The following ADGRB3 variants were observed in gnomAD, a reference collection of about 807,000 sequenced individuals.
ADGRB3 encodes adhesion G protein-coupled receptor B3.
In ADGRB3, 37 loss-of-function variants were observed where a neutral mutation model predicts 193.4. The observed-to-expected ratio is 0.19, with a 90% CI of 0.15 to 0.25. The LOEUF (loss-of-function observed/expected upper bound fraction) is 0.25. Among genes scored for constraint, ADGRB3 ranks in the 10% least tolerant of loss-of-function variants. The pLI, the probability that ADGRB3 is intolerant of heterozygous loss-of-function variation, is 1.00. For synonymous variants in ADGRB3, 690 were observed against 644.2 expected, an observed-to-expected ratio of 1.07 and a Z score of -1.08; for missense variants, 1,637 against 1,852.9, an observed-to-expected ratio of 0.88 and a Z score of 2.14.
At chr6:69,386,423 T>G (rs952760756) in intron 31 of ADGRB3, among the ~76,000 whole-genome samples, 3 of 152,062 alleles carry the variant, frequency 2.0e-5, no homozygotes, top group Non-Finnish European at 4.4e-5. Context: ...CCCTCGTGTA[T>G]GATAAATGAG....
chr6:69,295,053 A>T (rs1403578367), intron 20 of ADGRB3, among the ~76,000 whole-genome samples: 1 of 152,132 alleles, frequency 6.6e-6, no homozygotes. Context: ...GCCTGCTCTG[A>T]CTGACCTGGT....
intron 17 of ADGRB3, among the ~76,000 whole-genome samples, chr6:69,161,159 A>G (rs1042324919): frequency 2.0e-5 from 3 of 152,094 alleles, no homozygotes; most frequent in Non-Finnish European, 4.4e-5. Context: ...AAAGCCTAAT[A>G]TGTAATCTGC....
rs557297398 is a variant in ADGRB3, at chr6:69,180,700, C to T, written c.2481-52590C>T. ...GCAGTTGTAGCAGCTCTCCTTCTGC[C>T]TCAGGCCTGCAATGGGGAGAGCATA... On this transcript the variant is annotated intron_variant, in intron 17 of 31. Transcript: ENST00000370598. Among the ~76,000 whole-genome samples the T allele has an allele frequency of 1.6e-4, 24 of 152,298 alleles. No homozygotes were observed. In the East Asian group the frequency reaches 3.1e-3, roughly 20 times the overall value.
chr6:69,022,811 A>G (rs1014684713), intron 13 of ADGRB3, among the ~76,000 whole-genome samples: 4 of 152,024 alleles, frequency 2.6e-5, no homozygotes, highest in South Asian at 2.1e-4. Context: ...AGCTGTTTGC[A>G]GTTCCAAATA....
At chr6:69,233,106 A>C (rs764082750) in intron 17 of ADGRB3, 184 bp from the exon 18 acceptor site, 1 of 845,440 alleles carries the variant, frequency 1.2e-6, no homozygotes, top group African/African-American at 1.8e-5. Context: ...GCTTTTTCCC[A>C]CTCTCGCTTT....
chr6:68,777,966 G>A (rs1766781067), intron 3 of ADGRB3, among the ~76,000 whole-genome samples: 2 of 151,996 alleles, frequency 1.3e-5, no homozygotes, highest in Admixed American at 1.3e-4. Flanking sequence ...CATCCTTTAA[G>A]CAATGAACCA....
intron 17 of ADGRB3, among the ~76,000 whole-genome samples, chr6:69,182,398 A>G (rs939129866): frequency 5.7e-5 from 8 of 141,418 alleles, no homozygotes; most frequent in Admixed American, 3.5e-4. Flanking sequence ...TAAAAATAAA[A>G]CAACAACAAG....
At chr6:68,732,175 T>C (rs1296241656) in intron 3 of ADGRB3, among the ~76,000 whole-genome samples, 1 of 151,806 alleles carries the variant, frequency 6.6e-6, no homozygotes, top group African/African-American at 2.4e-5. Flanking sequence ...TATTGAACTA[T>C]ATTTTTAACT....
intron 17 of ADGRB3, among the ~76,000 whole-genome samples, chr6:69,124,381 A>G (rs1773799777): frequency 1.3e-5 from 2 of 151,958 alleles, no homozygotes; most frequent in African/African-American, 4.8e-5. Flanking sequence ...ATTTCTACAT[A>G]TTTATCTTTT....
chr6:68,944,630 A>G (rs1053190284), intron 6 of ADGRB3, among the ~76,000 whole-genome samples: 9 of 151,614 alleles, frequency 5.9e-5, no homozygotes, highest in African/African-American at 2.2e-4. Flanking sequence ...TCTATCCTTG[A>G]TAATTAATTT....
chr6:68,774,779 T>A lies in ADGRB3; in HGVS notation c.757+135347T>A, dbSNP rs188306952. 8.5e-5 allele frequency among the ~76,000 whole-genome samples: 13 copies of A among 152,248 alleles called. No individual in the cohort carries two copies. The East Asian group carries it at 1.4e-3, about 16-fold the overall frequency. On this transcript the variant is annotated intron_variant, in intron 3 of 31. Transcript: ENST00000370598. ...TCCAAAATATGTTATTATAAAACAC[T>A]AATTTTCATGTGAATGGAGTTTAAA...
intron 3 of ADGRB3, among the ~76,000 whole-genome samples, chr6:68,792,627 C>G (rs892741725): frequency 6.6e-6 from 1 of 152,188 alleles, no homozygotes; most frequent in African/African-American, 2.4e-5. Context: ...TCTATTTACT[C>G]TGCACTATCA....
intron 17 of ADGRB3, among the ~76,000 whole-genome samples, chr6:69,173,517 A>G (rs1775343805): frequency 1.3e-5 from 2 of 152,228 alleles, no homozygotes; most frequent in African/African-American, 4.8e-5. Context: ...GCAGTAGTCT[A>G]AATGAGAAAG....
At chr6:69,065,762 T>TACACACACACAC (rs1307673486) in intron 16 of ADGRB3, among the ~76,000 whole-genome samples, 50 of 124,754 alleles carry the variant, frequency 4.0e-4, no homozygotes, top group African/African-American at 5.1e-4. Context: ...CATGTATATA[T>TACACACACACAC]ATACACACAC....
At chr6:69,216,283 G>A (rs984921471) in intron 17 of ADGRB3, among the ~76,000 whole-genome samples, 16 of 152,002 alleles carry the variant, frequency 1.1e-4, no homozygotes, top group African/African-American at 3.9e-4. Flanking sequence ...TATTGCTTGG[G>A]GCCACTTGCA....
At chr6:69,033,467 ATT>A (rs1770773787) in intron 13 of ADGRB3, among the ~76,000 whole-genome samples, 6 of 152,228 alleles carry the variant, frequency 3.9e-5, no homozygotes, top group Non-Finnish European at 7.4e-5. Context: ...TTATAAATGA[ATT>A]AGTTCATTTT....
intron 20 of ADGRB3, among the ~76,000 whole-genome samples, chr6:69,265,352 C>T (rs975100304): frequency 1.6e-4 from 24 of 151,890 alleles, no homozygotes; most frequent in Non-Finnish European, 2.2e-4. Context: ...AATGTCTTTA[C>T]ATAGCACCAT....
intron 26 of ADGRB3, among the ~76,000 whole-genome samples, chr6:69,345,868 C>G (rs990542375): frequency 2.6e-5 from 4 of 152,168 alleles, no homozygotes; most frequent in African/African-American, 9.7e-5. Context: ...GCAGTCTCAG[C>G]CCCAAACCTT....
chr6:69,029,084 G>C (rs1770531568), intron 13 of ADGRB3, among the ~76,000 whole-genome samples: 1 of 151,992 alleles, frequency 6.6e-6, no homozygotes, highest in Non-Finnish European at 1.5e-5. Context: ...TCAAAGATTT[G>C]TTTCATTTTC....
Sources: gnomAD v4.1 joint callset for allele counts (sites outside exome capture counted in the v4.1 genomes callset) on GRCh38, gnomAD v4.1.1 for gene constraint, MANE v1.5 for transcripts, NCBI Gene and HGNC (gene_info 2026-07-23, HGNC 2026-07-21) for gene names.